TRNT1: variants seen among roughly 807,000 people sequenced by gnomAD.
TRNT1 encodes CCA tRNA nucleotidyltransferase 1, mitochondrial.
TRNT1 carries 44 observed loss-of-function variants against 45.6 expected under a neutral mutation model. The ratio of observed to expected loss-of-function variants is 0.97; its 90% CI spans 0.76 to 1.24. The LOEUF (loss-of-function observed/expected upper bound fraction) is 1.24, where lower values mean the gene tolerates loss of function less well. Ranked by LOEUF, TRNT1 falls within the 50% of genes most tolerant of loss-of-function variation. The pLI, the probability that TRNT1 is intolerant of heterozygous loss-of-function variation, is 0.00. For synonymous variants in TRNT1, 201 were observed against 171.4 expected, an observed-to-expected ratio of 1.17 and a Z score of -1.35; for missense variants, 633 against 504.4, an observed-to-expected ratio of 1.25 and a Z score of -2.44.
Position 3,136,871 on chromosome 3 carries a change from G to T in TRNT1, c.149-389G>T, listed in dbSNP as rs1012029401. ...CTTGCTCTTTGCCCAGGCTGGTCTT[G>T]AACTCCTGGGCTCAAGTGATCTTTT... On this transcript the variant is annotated intron_variant, in intron 2 of 7. Coordinates refer to ENST00000251607, the MANE Select transcript of TRNT1 (RefSeq NM_182916.3). 1.0e-5 allele frequency: 3 copies of T among 297,404 alleles called. No individual in the cohort carries two copies. In the Admixed American group the frequency reaches 1.5e-4, roughly 14 times the overall value. The allele number at this position is 297,404 out of a possible 1,614,324, so 18.4% of individuals were successfully genotyped here. A position where few individuals can be genotyped will look rare whatever the true frequency, so the allele number is the denominator to read the frequency against.
chr3:3,149,649 TTATTAAAGTAG>T (rs1432438842), downstream of TRNT1: 1 of 151,764 alleles, frequency 6.6e-6, no homozygotes, highest in East Asian at 1.9e-4. Context: ...AAACCCAAAA[TTATTAAAGTAG>T]TAAAAGTAGA....
intron 3 of TRNT1, among the ~76,000 whole-genome samples, chr3:3,138,746 ATAT>A (rs1449102473): frequency 6.6e-6 from 1 of 152,148 alleles, no homozygotes; most frequent in Non-Finnish European, 1.5e-5. Context: ...CTTTCTTAGT[ATAT>A]TTCTTTGGAA....
At chr3:3,151,051 A>AAATT (rs763300144), downstream of TRNT1, 2 of 1,613,682 alleles carry the variant, frequency 1.2e-6, no homozygotes, top group South Asian at 1.1e-5. Flanking sequence ...CATACCTAAG[A>AAATT]AATTAAGGAA....
intron 2 of TRNT1, among the ~76,000 whole-genome samples, chr3:3,133,059 A>T (rs1705113389): frequency 1.3e-5 from 2 of 152,196 alleles, no homozygotes; most frequent in Admixed American, 1.3e-4. Flanking sequence ...GCTGCTATAT[A>T]GTGATACTTG....
intron 4 of TRNT1, among the ~76,000 whole-genome samples, chr3:3,141,617 G>A (rs1051184079): frequency 6.6e-6 from 1 of 152,100 alleles, no homozygotes; most frequent in Non-Finnish European, 1.5e-5. Flanking sequence ...TACGAATTAG[G>A]TTAGTGTTTT....
At chr3:3,143,452 C>G (rs1009146239) in intron 4 of TRNT1, among the ~76,000 whole-genome samples, 2 of 152,152 alleles carry the variant, frequency 1.3e-5, no homozygotes, top group Non-Finnish European at 2.9e-5. Context: ...TCAAAATTCA[C>G]AAAGTTTTAA....
At chr3:3,143,622 A>C (rs1705799791) in intron 4 of TRNT1, among the ~76,000 whole-genome samples, 1 of 152,210 alleles carries the variant, frequency 6.6e-6, no homozygotes, top group South Asian at 2.1e-4. Flanking sequence ...TTATGCCTGT[A>C]ACCCTAGCAC....
At chr3:3,136,731 C>CT in intron 2 of TRNT1, 1 of 403,486 alleles carries the variant, frequency 2.5e-6, no homozygotes, top group Non-Finnish European at 4.8e-6. Flanking sequence ...CATAGCTCAC[C>CT]GCAGCCTTGA....
At chr3:3,129,821 G>A in intron 2 of TRNT1, 1 of 1,522,478 alleles carries the variant, frequency 6.6e-7, no homozygotes, top group South Asian at 1.2e-5. Flanking sequence ...TGCTTTGCCT[G>A]TGTTTCTGTA....
At chr3:3,139,796 G>T (rs564941860) in intron 3 of TRNT1, among the ~76,000 whole-genome samples, 1 of 151,886 alleles carries the variant, frequency 6.6e-6, no homozygotes, top group Non-Finnish European at 1.5e-5. Context: ...GTGTGATCTC[G>T]ACTCACTGCA....
downstream of TRNT1, chr3:3,151,195 TAA>T (rs1706518663): frequency 3.3e-5 from 26 of 799,390 alleles, no homozygotes; most frequent in South Asian, 4.3e-4. Flanking sequence ...CCCTGAAACC[TAA>T]AAACATTTCT....
rs1706202504 is a variant in TRNT1, at chr3:3,148,275, A to G, written c.*121A>G. On this transcript the variant is annotated 3_prime_UTR_variant, in exon 8 of 8. Coordinates refer to ENST00000251607, the MANE Select transcript of TRNT1 (RefSeq NM_182916.3). ...ACAGTTTAGGGGACCTCTGTAGAAC[A>G]ACAAGGGTCTTATTTTGTGAATTAT... is the stretch of plus-strand genomic sequence containing the variant. 40 of 1,017,192 alleles carry G rather than the reference A, an allele frequency of 3.9e-5. No homozygotes were observed. In the South Asian group the frequency reaches 6.4e-4, roughly 16 times the overall value. 63.0% of individuals were successfully genotyped at this position (1,017,192 alleles called of 1,614,324 possible).
intron 2 of TRNT1, chr3:3,129,915 C>T: frequency 2.8e-5 from 44 of 1,550,626 alleles, no homozygotes; most frequent in Non-Finnish European, 3.6e-5. Context: ...TGTTTCCTTC[C>T]TAGGTATAAA....
chr3:3,142,076 G>T (rs573305106), intron 4 of TRNT1, among the ~76,000 whole-genome samples: 1 of 152,100 alleles, frequency 6.6e-6, no homozygotes, highest in South Asian at 2.1e-4. Flanking sequence ...AGCCCAATTG[G>T]TGCATTTTTC....
Position 3,144,705 on chromosome 3 carries a change from C to A in TRNT1, c.603C>A (p.Tyr201Ter). 6.5e-7 allele frequency: 1 copy of A among 1,529,992 alleles called. No individual in the cohort carries two copies. The highest frequency in any genetic ancestry group is 8.9e-7 in the Non-Finnish European group (1 of 1,129,686). The allele number at this position is 1,529,992 out of a possible 1,614,324, so 94.8% of individuals were successfully genotyped here. The change falls in exon 5 of 8, where the codon TAC becomes TAA. Residue 201 changes from tyrosine (Y) to a stop codon, truncating the protein, a stop_gained. Coordinates refer to ENST00000251607, the MANE Select transcript of TRNT1 (RefSeq NM_182916.3). LOFTEE classifies it high-confidence loss of function. ...IQEDYLRILRYFRFYGRIVDK... is the reference protein window; with the variant it reads ...IQEDYLRILR ...AGGATTATCTTAGAATTTTAAGATACTTCAGGTAAGAATTTTTAAAAATAA... is the reference window on the plus strand; with the variant it reads ...AGGATTATCTTAGAATTTTAAGATAATTCAGGTAAGAATTTTTAAAAATAA...
intron 2 of TRNT1, chr3:3,130,064 G>C (rs116086006): frequency 1.8e-5 from 21 of 1,167,750 alleles, no homozygotes; most frequent in Non-Finnish European, 2.4e-5. Flanking sequence ...AGTTTCATTA[G>C]TGTTGATTCT....
In TRNT1 at chr3:3,140,594, G is replaced by C; in HGVS notation, c.427G>C (p.Asp143His). The part of the protein sequence containing the change: ...GRHAEVEFTT[D>H]WQKDAERRDL... ...ACATGCTGAGGTAGAATTTACAACT[G>C]ACTGGCAGAAAGATGCGGAACGCAG... Residue 143 changes from aspartate (D) to histidine (H), a missense_variant, in exon 4 of 8, where the codon GAC (aspartate) becomes CAC (histidine). Coordinates refer to ENST00000251607, the MANE Select transcript of TRNT1 (RefSeq NM_182916.3). 1 of 1,614,120 alleles carries C rather than the reference G, an allele frequency of 6.2e-7. No homozygotes were observed. Among genetic ancestry groups the C allele is most frequent in the Non-Finnish European group, 8.5e-7 (1 of 1,179,996 alleles).
chr3:3,133,555 C>CAAAA (rs565087780), intron 2 of TRNT1, among the ~76,000 whole-genome samples: 4 of 139,240 alleles, frequency 2.9e-5, no homozygotes, highest in Non-Finnish European at 4.7e-5. Flanking sequence ...GACCCTCTCT[C>CAAAA]AAAAAAAAAA....
At chr3:3,152,598 GAATC>G, downstream of TRNT1, 1 of 1,613,842 alleles carries the variant, frequency 6.2e-7, no homozygotes. Context: ...CTAAAACAAA[GAATC>G]AACATGGAGA....
Sources: allele counts gnomAD v4.1 joint callset (sites outside exome capture counted in the v4.1 genomes callset), GRCh38; gene constraint gnomAD v4.1.1; transcripts MANE v1.5; gene names NCBI Gene and HGNC (gene_info 2026-07-23, HGNC 2026-07-21).